MITF: variants seen among roughly 807,000 people sequenced by gnomAD.
MITF encodes the protein melanocyte inducing transcription factor.
Under a neutral mutation model 60.5 loss-of-function variants are expected in MITF, and 17 were observed. The observed-to-expected ratio is 0.28, with a 90% CI of 0.19 to 0.42. MITF has a LOEUF of 0.42. Among genes scored for constraint, MITF ranks in the 10% least tolerant of loss-of-function variants. MITF has a pLI of 1.00. For synonymous variants in MITF, 260 were observed against 248.5 expected, an observed-to-expected ratio of 1.05 and a Z score of -0.43; for missense variants, 622 against 683.5, an observed-to-expected ratio of 0.91 and a Z score of 1.00.
intron 1 of MITF, among the ~76,000 whole-genome samples, chr3:69,756,080 C>T (rs112840792): frequency 2.0e-5 from 3 of 152,260 alleles, no homozygotes; most frequent in African/African-American, 7.2e-5. Flanking sequence ...GCTGAAAAAA[C>T]TCTAACCACA....
rs539713536 is a variant in MITF at position 69,843,595 on chromosome 3, T to C, written c.105-35539T>C. Among the ~76,000 whole-genome samples, 71 of 152,274 alleles carry C rather than the reference T, an allele frequency of 4.7e-4. 1 individual carries two copies. In the South Asian group the frequency reaches 6.0e-3, roughly 13 times the overall value. ...TTTTTATGAAGACTCTTGGGTGAAG[T>C]GTCTCTCTGGTTTCAATACCACAAA... On this transcript the variant is annotated intron_variant, in intron 1 of 9. Transcript: ENST00000352241.
chr3:69,902,226 T>C (rs186841703), intron 2 of MITF, among the ~76,000 whole-genome samples: 1 of 152,306 alleles, frequency 6.6e-6, no homozygotes, highest in East Asian at 1.9e-4. Flanking sequence ...TTTCTTTTTT[T>C]TTCCAGTAAT....
At chr3:69,938,949 T>G in intron 3 of MITF, 149 bp from the exon 4 acceptor site, 1 of 1,520,810 alleles carries the variant, frequency 6.6e-7, no homozygotes, top group Non-Finnish European at 8.8e-7. Context: ...CACAAGTTCT[T>G]CCTTCATTAT....
intron 1 of MITF, among the ~76,000 whole-genome samples, chr3:69,841,537 A>G (rs2063636489): frequency 6.6e-6 from 1 of 152,226 alleles, no homozygotes; most frequent in African/African-American, 2.4e-5. Flanking sequence ...ATTCATCTTA[A>G]GGGTAAGAAA....
chr3:69,861,482 G>T (rs1448989150), intron 1 of MITF, among the ~76,000 whole-genome samples: 1 of 152,172 alleles, frequency 6.6e-6, no homozygotes. Context: ...GGATGGTCTG[G>T]GAAGACCTCT....
At chr3:69,764,354 A>G (rs960346299) in intron 1 of MITF, among the ~76,000 whole-genome samples, 6 of 152,168 alleles carry the variant, frequency 3.9e-5, no homozygotes, top group South Asian at 2.1e-4. Flanking sequence ...ATAAATGCTG[A>G]TGTCACTGAA....
intron 9 of MITF, among the ~76,000 whole-genome samples, chr3:69,961,344 T>C (rs1316471540): frequency 1.3e-5 from 2 of 150,390 alleles, no homozygotes; most frequent in Non-Finnish European, 3.0e-5. Context: ...ATCGCGCCAC[T>C]GCATTCCAGC....
At chr3:69,916,517 A>G (rs1402364131) in intron 2 of MITF, among the ~76,000 whole-genome samples, 1 of 152,184 alleles carries the variant, frequency 6.6e-6, no homozygotes, top group Non-Finnish European at 1.5e-5. Flanking sequence ...ACAAGTTCGG[A>G]ATTGAGTGAG....
At chr3:69,910,079 T>A (rs1275293755) in intron 2 of MITF, among the ~76,000 whole-genome samples, 1 of 152,118 alleles carries the variant, frequency 6.6e-6, no homozygotes, top group African/African-American at 2.4e-5. Flanking sequence ...CCCAGCACAA[T>A]CCCTGTGCTG....
intron 1 of MITF, among the ~76,000 whole-genome samples, chr3:69,830,605 C>T (rs6782552): frequency 1.3e-5 from 2 of 151,942 alleles, no homozygotes; most frequent in Non-Finnish European, 2.9e-5. Flanking sequence ...CCCTCCCCAT[C>T]CCGATGCTTC....
chr3:69,741,089 G>A (rs978982230), intron 1 of MITF, among the ~76,000 whole-genome samples: 4 of 152,198 alleles, frequency 2.6e-5, no homozygotes, highest in Non-Finnish European at 5.9e-5. Flanking sequence ...CGGCAGATTG[G>A]AAGGAAACCG....
intron 2 of MITF, among the ~76,000 whole-genome samples, chr3:69,883,130 G>T (rs1188892815): frequency 1.3e-5 from 2 of 152,128 alleles, no homozygotes; most frequent in African/African-American, 2.4e-5. Flanking sequence ...AAAAGGAAAA[G>T]ATTTTTTTTA....
chr3:69,759,194 G>A (rs2106795559), intron 1 of MITF, among the ~76,000 whole-genome samples: 1 of 152,286 alleles, frequency 6.6e-6, no homozygotes, highest in East Asian at 1.9e-4. Context: ...TTTTATGTGT[G>A]TTTCTGTGTA....
chr3:69,743,041 G>A (rs1382023405), intron 1 of MITF, among the ~76,000 whole-genome samples: 2 of 152,092 alleles, frequency 1.3e-5, no homozygotes, highest in African/African-American at 4.8e-5. Context: ...TCACTATTGT[G>A]TCCCCAGAGC....
intron 1 of MITF, among the ~76,000 whole-genome samples, chr3:69,758,000 T>C (rs969450135): frequency 1.0e-4 from 3 of 29,640 alleles, no homozygotes; most frequent in Non-Finnish European, 3.8e-4. Context: ...CTAGGGCATG[T>C]GTGTGTGTGT....
chr3:69,769,716 A>G (rs991484926), intron 1 of MITF: 5 of 152,180 alleles, frequency 3.3e-5, no homozygotes, highest in South Asian at 2.1e-4. Context: ...CCTGGGCTCA[A>G]CTGATCCTCC....
rs1437379690 is a variant in MITF at position 69,873,308 on chromosome 3, TG to T, written c.105-5825del. ...ATCACTTTGGAAGGAATGGAAAGTT[TG>T]AGATAACAGAAGTGCCATTCACTCT... On this transcript the variant is annotated intron_variant, in intron 1 of 9. Transcript: ENST00000352241. Among the ~76,000 whole-genome samples, 4 of 152,282 alleles carry T rather than the reference TG, an allele frequency of 2.6e-5. No homozygotes were observed. The East Asian group carries it at 7.7e-4, about 29-fold the overall frequency.
Position 69,761,582 on chromosome 3 carries a change from T to C in MITF, c.104+21881T>C, listed in dbSNP as rs2062213206. Among the ~76,000 whole-genome samples the C allele has an allele frequency of 2.0e-5, 3 of 152,144 alleles. No homozygotes were observed. The South Asian group carries it at 6.2e-4, about 32-fold the overall frequency. ...ATTTTTGAATGGAAAGGAGACTAGGTTTCTTATGAAGTAAAGGCAGAAGAC... is the reference window on the plus strand; with the variant it reads ...ATTTTTGAATGGAAAGGAGACTAGGCTTCTTATGAAGTAAAGGCAGAAGAC... On this transcript the variant is annotated intron_variant, in intron 1 of 9. Coordinates refer to ENST00000352241, the MANE Select transcript of MITF (RefSeq NM_001354604.2).
intron 2 of MITF, among the ~76,000 whole-genome samples, chr3:69,880,390 A>T (rs1169823546): frequency 6.6e-6 from 1 of 152,184 alleles, no homozygotes; most frequent in African/African-American, 2.4e-5. Context: ...TCTTTAAAAA[A>T]CAAATCAAGA....
Sources: gnomAD v4.1 joint callset for allele counts (sites outside exome capture counted in the v4.1 genomes callset) on GRCh38, gnomAD v4.1.1 for gene constraint, MANE v1.5 for transcripts, NCBI Gene and HGNC (gene_info 2026-07-23, HGNC 2026-07-21) for gene names.